Variants in CA9 observed in about 807,000 individuals in gnomAD.
CA9 encodes CA-IX.
Under a neutral mutation model 51.8 loss-of-function variants are expected in CA9, and 43 were observed. The observed-to-expected ratio is 0.83, with a 90% CI of 0.65 to 1.07. The LOEUF (loss-of-function observed/expected upper bound fraction) is 1.07. Among genes scored for constraint, CA9 ranks in the 50% least tolerant of loss-of-function variants. CA9 has a pLI of 0.00. For synonymous variants in CA9, 253 were observed against 244.2 expected, an observed-to-expected ratio of 1.04 and a Z score of -0.34; for missense variants, 574 against 581.4, an observed-to-expected ratio of 0.99 and a Z score of 0.13.
In CA9 at chr9:35,675,549, A is replaced by G; in HGVS notation, c.415A>G (p.Ser139Gly). 6.2e-7 allele frequency: 1 copy of G among 1,614,138 alleles called. No individual in the cohort carries two copies. The highest frequency in any genetic ancestry group is 8.5e-7 in the Non-Finnish European group (1 of 1,180,016). ...TTTCATTTATACAGGGGATGACCAGAGTCATTGGCGCTATGGAGGTGAGAC... is the reference window on the plus strand; with the variant it reads ...TTTCATTTATACAGGGGATGACCAGGGTCATTGGCGCTATGGAGGTGAGAC... ...AHRDKEGDDQ[S>G]HWRYGGDPPW... The change falls in exon 2 of 11, where the codon AGT (serine) becomes GGT (glycine). Residue 139 changes from serine (S) to glycine (G), a missense_variant. By Grantham distance (56) the Ser-to-Gly change is moderately conservative (BLOSUM62 0). Transcript: ENST00000378357.
At chr9:35,678,033 G>T (rs1464241602) in intron 6 of CA9, among the ~76,000 whole-genome samples, 177 bp downstream of exon 6, 2 of 152,066 alleles carry the variant, frequency 1.3e-5, no homozygotes, top group Non-Finnish European at 2.9e-5. Flanking sequence ...ACCCGCAAAC[G>T]GCTGCCTACA....
intron 6 of CA9, among the ~76,000 whole-genome samples, chr9:35,678,506 A>T: frequency 6.6e-6 from 1 of 152,048 alleles, no homozygotes; most frequent in Non-Finnish European, 1.5e-5. Context: ...TTAACTTTGT[A>T]AATACTTTTG....
chr9:35,677,360 TG>T (rs1230825655), intron 5 of CA9, among the ~76,000 whole-genome samples: 1 of 152,170 alleles, frequency 6.6e-6, no homozygotes, highest in Non-Finnish European at 1.5e-5. Context: ...TGAAGGTGAA[TG>T]CAGAGGTGAC....
At chr9:35,676,766 A>C (rs1273539518) in intron 5 of CA9, among the ~76,000 whole-genome samples, 1 of 152,224 alleles carries the variant, frequency 6.6e-6, no homozygotes, top group Non-Finnish European at 1.5e-5. Flanking sequence ...AATATGGCCT[A>C]TTTAGGGAAT....
chr9:35,679,892 C>T lies in CA9; in HGVS notation c.1104C>T (p.Asp368=). ...CTGACACCCTGTGGGGACCTGGTGACTCTCGGCTACAGCTGAACTTCCGAG... is the reference window on the plus strand; with the variant it reads ...CTGACACCCTGTGGGGACCTGGTGATTCTCGGCTACAGCTGAACTTCCGAG... ...TLSDTLWGPG[D]SRLQLNFRAT... The change falls in exon 8 of 11, where the codon GAC becomes GAT. Residue 368 remains aspartate (D), a synonymous_variant. Coordinates refer to ENST00000378357, the MANE Select transcript of CA9 (RefSeq NM_001216.3). The T allele has an allele frequency of 6.2e-7, 1 of 1,613,046 alleles. No homozygotes were observed. Among genetic ancestry groups the T allele is most frequent in the South Asian group, 1.1e-5 (1 of 91,032 alleles).
Position 35,675,874 on chromosome 9 carries a change from C to A in CA9, c.547C>A (p.Leu183Met), listed in dbSNP as rs776990118. Residue 183 changes from leucine (L) to methionine (M), a missense_variant, in exon 3 of 11, where the codon CTG (leucine) becomes ATG (methionine). Coordinates refer to ENST00000378357, the MANE Select transcript of CA9 (RefSeq NM_001216.3). ...CCCGGCCCTGCGCCCCCTGGAACTC[C>A]TGGGCTTCCAGCTCCCGCCGCTCCC... ...FCPALRPLEL[L>M]GFQLPPLPEL... 1.2e-5 allele frequency: 20 copies of A among 1,606,684 alleles called. No homozygotes were observed. The highest frequency in any genetic ancestry group is 1.7e-5 in the Non-Finnish European group (20 of 1,179,322).
chr9:35,675,605 A>AC (rs1824400177), intron 2 of CA9, 38 bp downstream of exon 2: 1 of 1,612,678 alleles, frequency 6.2e-7, no homozygotes, highest in Non-Finnish European at 8.5e-7. Flanking sequence ...CAATCTGGGA[A>AC]CCCAGCTCTG....
intron 9 of CA9, 73 bp from the exon 10 acceptor site, chr9:35,680,680 C>T: frequency 7.9e-7 from 1 of 1,264,166 alleles, no homozygotes; most frequent in Non-Finnish European, 1.2e-6. Context: ...GTGGAGTGCA[C>T]TGAGGCAGGT....
At position 35,680,749 on chromosome 9, in the gene CA9, G is replaced by C. The variant is rs780764506; in HGVS notation, c.1238-4G>C. The stretch of plus-strand genomic sequence containing the variant: ...AAAGCAGCCCTCTCTGCTCTCCATC[G>C]CAGGTGACATCCTAGCCCTGGTTTT... On this transcript the variant is annotated splice_polypyrimidine_tract_variant and splice_region_variant and intron_variant, in intron 9 of 10. Coordinates refer to ENST00000378357, the MANE Select transcript of CA9 (RefSeq NM_001216.3). The C allele has an allele frequency of 7.4e-5, 120 of 1,613,700 alleles. No homozygotes were observed. Among genetic ancestry groups the C allele is most frequent in the Non-Finnish European group, 1.0e-4 (119 of 1,179,686 alleles).
At chr9:35,675,658 T>TGGC in intron 2 of CA9, 91 bp downstream of exon 2, 39 of 1,406,832 alleles carry the variant, frequency 2.8e-5, no homozygotes, top group Non-Finnish European at 3.6e-5. Context: ...GTCCCGGGCG[T>TGGC]CCCACCCGCC....
At chr9:35,680,499 A>T (rs566883388) in intron 9 of CA9, among the ~76,000 whole-genome samples, 20 of 152,258 alleles carry the variant, frequency 1.3e-4, no homozygotes, top group African/African-American at 4.3e-4. Flanking sequence ...AAGCACTGGG[A>T]CTGTAGGCAT....
At chr9:35,674,680 G>A in intron 1 of CA9, 1 of 243,932 alleles carries the variant, frequency 4.1e-6, no homozygotes, top group South Asian at 9.9e-5. Flanking sequence ...AAAAATAGGT[G>A]GAGAAGGAGA....
chr9:35,678,695 C>CTTTTTTTTTTTTTTTTT (rs746454806), intron 6 of CA9, among the ~76,000 whole-genome samples: 22 of 129,864 alleles, frequency 1.7e-4, no homozygotes, highest in Middle Eastern at 3.7e-3. Flanking sequence ...TTTTTCTTTT[C>CTTTTTTTTTTTTTTTTT]TTTTCTTTTT....
In CA9 at chr9:35,676,105, C is replaced by G; in HGVS notation, c.646C>G (p.Pro216Ala). 1 of 1,613,690 alleles carries G rather than the reference C, an allele frequency of 6.2e-7. No individual in the cohort carries two copies. Among genetic ancestry groups the G allele is most frequent in the African/African-American group, 1.3e-5 (1 of 75,056 alleles). The change falls in exon 4 of 11, where the codon CCC becomes GCC. Residue 216 changes from proline to alanine, a missense_variant. Physicochemically the swap from Pro to Ala is conservative, Grantham distance 27 (BLOSUM62 -1). Transcript: ENST00000378357. ...LPPGLEMALG[P>A]GREYRALQLH... ...TCCTGGGCTAGAGATGGCTCTGGGTCCCGGGCGGGAGTACCGGGCTCTGCA... is the reference window on the plus strand; with the variant it reads ...TCCTGGGCTAGAGATGGCTCTGGGTGCCGGGCGGGAGTACCGGGCTCTGCA...
Position 35,677,012 on chromosome 9 carries a change from C to T in CA9, c.840+623C>T, listed in dbSNP as rs188636663. On this transcript the variant is annotated intron_variant, in intron 5 of 10. Transcript: ENST00000378357. ...GGGTTACAGGTGTGTGCCACCATGC[C>T]CAGCTAATTTTTTTTTGTATTTTTA... is the stretch of plus-strand genomic sequence containing the variant. 1.8e-3 allele frequency among the ~76,000 whole-genome samples: 268 copies of T among 152,212 alleles called. 1 individual carries two copies. The highest frequency in any genetic ancestry group is 2.9e-3 in the Admixed American group (45 of 15,286).
rs1443578222 is a variant in CA9, at chr9:35,675,816, G to A, written c.489G>A (p.Pro163=). The change falls in exon 3 of 11, where the codon CCG becomes CCA. Residue 163 remains proline (P), a synonymous_variant. Transcript: ENST00000378357. ...CCTGCGCGGGCCGCTTCCAGTCCCC[G>A]GTGGATATCCGCCCCCAGCTCGCCG... is the stretch of plus-strand genomic sequence containing the variant. ...SPACAGRFQS[P]VDIRPQLAAF... 3.7e-6 allele frequency: 6 copies of A among 1,603,794 alleles called. No homozygotes were observed. Among genetic ancestry groups the A allele is most frequent in the Admixed American group, 1.7e-5 (1 of 59,888 alleles).
intron 5 of CA9, 37 bp downstream of exon 5, chr9:35,676,426 C>A: frequency 6.6e-7 from 1 of 1,513,054 alleles, no homozygotes; most frequent in South Asian, 1.2e-5. Context: ...CCCCGCTTTC[C>A]CATCCCATGC....
chr9:35,676,339 G>C lies in CA9; in HGVS notation c.790G>C (p.Glu264Gln), dbSNP rs765680552. Residue 264 changes from glutamate to glutamine, a missense_variant, in exon 5 of 11, where the codon GAG becomes CAG. Coordinates refer to ENST00000378357, the MANE Select transcript of CA9 (RefSeq NM_001216.3). ...HLSTAFARVDEALGRPGGLAV... is the reference protein window; with the variant it reads ...HLSTAFARVDQALGRPGGLAV... ...CAGCACCGCCTTTGCCAGAGTTGAC[G>C]AGGCCTTGGGGCGCCCGGGAGGCCT... is the stretch of plus-strand genomic sequence containing the variant. The C allele has an allele frequency of 2.5e-6, 4 of 1,613,932 alleles. No individual in the cohort carries two copies. The highest frequency in any genetic ancestry group is 3.4e-6 in the Non-Finnish European group (4 of 1,180,012).
chr9:35,680,370 C>G (rs544174737), intron 9 of CA9, among the ~76,000 whole-genome samples: 2 of 152,040 alleles, frequency 1.3e-5, no homozygotes, highest in Non-Finnish European at 2.9e-5. Context: ...ACAATCCCCC[C>G]CCTTTTTTTA....
Sources: gnomAD v4.1 joint callset for allele counts (sites outside exome capture counted in the v4.1 genomes callset) on GRCh38, gnomAD v4.1.1 for gene constraint, MANE v1.5 for transcripts, NCBI Gene and HGNC (gene_info 2026-07-23, HGNC 2026-07-21) for gene names.